The following ATP2B2 variants were observed in gnomAD, a reference collection of about 807,000 sequenced individuals.
ATP2B2 encodes the protein plasma membrane calcium-transporting ATPase 2.
Under a neutral mutation model 120.0 loss-of-function variants are expected in ATP2B2, and 15 were observed. That is an observed-to-expected ratio of 0.12 (90% CI 0.08 to 0.19). The LOEUF is 0.19. Ranked by LOEUF, ATP2B2 falls within the 10% of genes least tolerant of loss-of-function variation. ATP2B2 has a pLI of 1.00. For missense variants in ATP2B2, 1,045 were observed against 1,719.8 expected, an observed-to-expected ratio of 0.61 and a Z score of 6.94; for synonymous variants, 694 against 700.3, an observed-to-expected ratio of 0.99 and a Z score of 0.14.
intron 1 of ATP2B2, among the ~76,000 whole-genome samples, chr3:10,638,780 T>C (rs1468423684): frequency 6.6e-6 from 1 of 152,242 alleles, no homozygotes; most frequent in Non-Finnish European, 1.5e-5. Context: ...AGATATGCTA[T>C]GCTAACATAA....
chr3:10,337,182 G>A (rs2060140790), intron 22 of ATP2B2, among the ~76,000 whole-genome samples: 1 of 152,254 alleles, frequency 6.6e-6, no homozygotes. Context: ...TCCCAGGGCT[G>A]TGAAGGTCAC....
In ATP2B2 at chr3:10,375,418, C is replaced by T. The variant is rs139107826; in HGVS notation, c.1416+12G>A. ...GCATCAGCCGGCTGGTCCTGCTCTC[C>T]TCCCCTCTCACCTTCACCGAATAGG... On this transcript the variant is annotated intron_variant, in intron 11 of 22. Transcript: ENST00000360273. This position sits in a 1 kb window ranked among gnomAD's most constrained non-coding sequence, Gnocchi z 4.2. 1.2e-6 allele frequency: 2 copies of T among 1,607,334 alleles called. No individual in the cohort carries two copies. The highest frequency in any genetic ancestry group is 2.2e-5 in the East Asian group (1 of 44,874).
chr3:10,554,302 GAAT>G (rs1016254777), intron 2 of ATP2B2, among the ~76,000 whole-genome samples: 29 of 152,268 alleles, frequency 1.9e-4, no homozygotes, highest in African/African-American at 6.7e-4. Context: ...GTGGAAGGCA[GAAT>G]AATGGCTGCA....
At chr3:10,518,028 A>C (rs982921713) in intron 3 of ATP2B2, among the ~76,000 whole-genome samples, 1 of 143,456 alleles carries the variant, frequency 7.0e-6, no homozygotes, top group Non-Finnish European at 1.5e-5. Flanking sequence ...GCACAGCAAG[A>C]ATGAAGGTAG....
intron 1 of ATP2B2, among the ~76,000 whole-genome samples, chr3:10,642,855 G>T (rs768385408): frequency 3.9e-5 from 6 of 152,128 alleles, no homozygotes; most frequent in Admixed American, 6.5e-5. Context: ...AGCACCCCCT[G>T]CTTCCTCCCC....
intron 2 of ATP2B2, among the ~76,000 whole-genome samples, chr3:10,616,529 A>C (rs759806427): frequency 1.1e-4 from 16 of 152,226 alleles, no homozygotes; most frequent in Non-Finnish European, 2.2e-4. Context: ...GCTCAAAGCC[A>C]GCTCCCTCAG....
chr3:10,676,800 C>A (rs2071257205), intron 1 of ATP2B2, among the ~76,000 whole-genome samples: 1 of 152,136 alleles, frequency 6.6e-6, no homozygotes, highest in Non-Finnish European at 1.5e-5. Context: ...ACACCTGAAT[C>A]CAAAATAAAG....
At chr3:10,408,186 G>A (rs1188202700) in intron 3 of ATP2B2, among the ~76,000 whole-genome samples, 2 of 152,176 alleles carry the variant, frequency 1.3e-5, no homozygotes, top group African/African-American at 2.4e-5. Flanking sequence ...CTGAGAACCC[G>A]GACATAAAGT....
intron 2 of ATP2B2, among the ~76,000 whole-genome samples, chr3:10,421,244 G>T (rs1010557195): frequency 1.3e-5 from 2 of 152,176 alleles, no homozygotes; most frequent in African/African-American, 2.4e-5. Context: ...GAGACATGGG[G>T]CTTATTGCTG....
intron 2 of ATP2B2, among the ~76,000 whole-genome samples, chr3:10,546,002 A>G (rs1044447597): frequency 3.9e-5 from 6 of 152,230 alleles, no homozygotes; most frequent in African/African-American, 1.4e-4. Flanking sequence ...ATATAAGGGG[A>G]AAGATACAGT....
intron 1 of ATP2B2, among the ~76,000 whole-genome samples, chr3:10,651,558 C>A (rs2070463220): frequency 6.6e-6 from 1 of 152,144 alleles, no homozygotes; most frequent in Admixed American, 6.5e-5. Flanking sequence ...TTGTAAATTG[C>A]CCAGTCTTGG....
At chr3:10,678,700 G>A (rs986461289) in intron 1 of ATP2B2, among the ~76,000 whole-genome samples, 8 of 152,146 alleles carry the variant, frequency 5.3e-5, no homozygotes, top group African/African-American at 1.9e-4. Context: ...TGCTTGCTGT[G>A]TAACTTGGGT....
chr3:10,328,820 C>G lies in ATP2B2; in HGVS notation c.3726G>C (p.Ser1242=), dbSNP rs759396800. 2 of 1,607,038 alleles carry G rather than the reference C, an allele frequency of 1.2e-6. No individual in the cohort carries two copies. Among genetic ancestry groups the G allele is most frequent in the Non-Finnish European group, 1.7e-6 (2 of 1,174,644 alleles). Residue 1242 remains serine, a synonymous_variant, in exon 23 of 23, where the codon TCG becomes TCC. Transcript: ENST00000360273. ...PGSPIHSLET[S]L Reference sequence around the variant, plus strand: ...CAGGCGAGAGGGTCCTCAGCTAAAGCGACGTCTCCAGGCTGTGGATGGGGC... The same window carrying G: ...CAGGCGAGAGGGTCCTCAGCTAAAGGGACGTCTCCAGGCTGTGGATGGGGC...
intron 1 of ATP2B2, among the ~76,000 whole-genome samples, chr3:10,667,667 G>A (rs79400372): frequency 0.028 from 4,273 of 152,264 alleles, 78 homozygotes; most frequent in South Asian, 0.088. Context: ...TACAGAGGTC[G>A]AGGGAAAGGG....
At chr3:10,578,023 C>T (rs2068294191) in intron 2 of ATP2B2, among the ~76,000 whole-genome samples, 1 of 152,218 alleles carries the variant, frequency 6.6e-6, no homozygotes, top group Non-Finnish European at 1.5e-5. Context: ...AGTCTCTACT[C>T]TGTCTTCAGT....
chr3:10,576,380 A>C (rs1208297185), intron 2 of ATP2B2, among the ~76,000 whole-genome samples: 2 of 152,024 alleles, frequency 1.3e-5, no homozygotes, highest in African/African-American at 2.4e-5. Flanking sequence ...GATTGTTCTT[A>C]TTATTATTGT....
intron 1 of ATP2B2, among the ~76,000 whole-genome samples, chr3:10,688,211 C>T (rs1356974051): frequency 2.0e-5 from 3 of 152,146 alleles, no homozygotes; most frequent in Admixed American, 2.0e-4. Context: ...CCTAAGAATG[C>T]CCAGAAGACA....
At chr3:10,569,533 T>G (rs2068078917) in intron 2 of ATP2B2, among the ~76,000 whole-genome samples, 1 of 152,198 alleles carries the variant, frequency 6.6e-6, no homozygotes, top group Admixed American at 6.5e-5. Flanking sequence ...ATAGATTATT[T>G]TTATGAACCA....
intron 1 of ATP2B2, among the ~76,000 whole-genome samples, chr3:10,697,285 CT>C (rs1355240736): frequency 6.6e-6 from 1 of 152,172 alleles, no homozygotes; most frequent in Admixed American, 6.5e-5. Context: ...ATCACAGCCC[CT>C]TTGCAGAAGG....
Sources: gnomAD v4.1 joint callset for allele counts (sites outside exome capture counted in the v4.1 genomes callset) on GRCh38, gnomAD v4.1.1 for gene constraint, Gnocchi (gnomAD v3.1) non-coding constraint, MANE v1.5 for transcripts, NCBI Gene and HGNC (gene_info 2026-07-23, HGNC 2026-07-21) for gene names.